SHISA9: variants seen among roughly 807,000 people sequenced by gnomAD.
The protein encoded by SHISA9 is shisa family member 9.
In SHISA9, 13 loss-of-function variants were observed where a neutral mutation model predicts 38.0. The ratio of observed to expected loss-of-function variants is 0.34; its 90% confidence interval spans 0.22 to 0.54. The LOEUF is 0.54. SHISA9 is among the 20% of genes least tolerant of loss of function. SHISA9 has a pLI of 0.91. For missense variants in SHISA9, 538 were observed against 575.8 expected (o/e 0.93, Z 0.67); for synonymous variants, 275 against 242.0 (o/e 1.14, Z -1.27).
intron 2 of SHISA9, among the ~76,000 whole-genome samples, chr16:13,133,203 G>C (rs1025892545): frequency 3.3e-5 from 5 of 152,166 alleles, no homozygotes; most frequent in African/African-American, 1.2e-4. Context: ...TATTTTTCTG[G>C]ATCTTGATTT....
the SHISA9 span, among the ~76,000 whole-genome samples, chr16:13,390,436 G>C: frequency 1.9e-4 from 29 of 152,136 alleles, no homozygotes; most frequent in Non-Finnish European, 3.4e-4. Flanking sequence ...CATCTGGGTG[G>C]CTGGCTGTCT....
At chr16:13,346,293 C>T in the SHISA9 span, among the ~76,000 whole-genome samples, 2 of 152,126 alleles carry the variant, frequency 1.3e-5, no homozygotes, top group Admixed American at 6.6e-5. Context: ...AAGCTTAAAT[C>T]GGCTGCGACG....
chr16:13,093,550 G>C (rs554504604), intron 2 of SHISA9, among the ~76,000 whole-genome samples: 2 of 152,286 alleles, frequency 1.3e-5, no homozygotes, highest in East Asian at 3.9e-4. Context: ...ATGTGCATAT[G>C]AGAGGTGGGG....
intron 2 of SHISA9, among the ~76,000 whole-genome samples, chr16:12,947,145 C>T (rs982939127): frequency 3.3e-5 from 5 of 152,092 alleles, no homozygotes; most frequent in East Asian, 3.9e-4. Flanking sequence ...GGGGAAATGG[C>T]GAGGTTTGGG....
At chr16:13,210,812 C>G (rs1040571215) in intron 3 of SHISA9, among the ~76,000 whole-genome samples, 5 of 152,172 alleles carry the variant, frequency 3.3e-5, no homozygotes, top group African/African-American at 1.2e-4. Flanking sequence ...AATGGCAGAG[C>G]CAAGTCTCAT....
intron 2 of SHISA9, among the ~76,000 whole-genome samples, chr16:13,033,090 T>C (rs1459376624): frequency 3.3e-5 from 5 of 152,202 alleles, no homozygotes; most frequent in Non-Finnish European, 7.3e-5. Context: ...GCTTCAAGTC[T>C]AGTAGAAAAG....
At chr16:13,208,776 C>G in intron 3 of SHISA9, among the ~76,000 whole-genome samples, 1 of 152,172 alleles carries the variant, frequency 6.6e-6, no homozygotes, top group South Asian at 2.1e-4. Context: ...TCTGGTTTCC[C>G]TTGACTGCAG....
At chr16:13,299,703 C>A in the SHISA9 span, among the ~76,000 whole-genome samples, 72,972 of 147,548 alleles carry the variant, frequency 0.49, 18,260 homozygotes, top group Admixed American at 0.58. Context: ...ACAGAGTGAG[C>A]CTCTGTCAAA....
chr16:13,526,000 C>T, the SHISA9 span, among the ~76,000 whole-genome samples: 36 of 152,336 alleles, frequency 2.4e-4, no homozygotes, highest in African/African-American at 8.7e-4. Context: ...TCCTTCTGCT[C>T]TTGAAGCTTG....
chr16:13,358,538 T>C, the SHISA9 span, among the ~76,000 whole-genome samples: 2 of 152,236 alleles, frequency 1.3e-5, no homozygotes, highest in South Asian at 4.1e-4. Context: ...AAGTAGATGC[T>C]AATACAATTC....
At chr16:13,451,661 AAGATCCCCT>A in the SHISA9 span, among the ~76,000 whole-genome samples, 2 of 152,312 alleles carry the variant, frequency 1.3e-5, no homozygotes, top group African/African-American at 4.8e-5. Context: ...ATGGAGGACA[AAGATCCCCT>A]AGTTGGGAAA....
intron 2 of SHISA9, among the ~76,000 whole-genome samples, chr16:12,987,927 G>T (rs2072334326): frequency 6.6e-6 from 1 of 152,170 alleles, no homozygotes; most frequent in African/African-American, 2.4e-5. Context: ...TAGCTAGTAT[G>T]TAAAGAAGCC....
At chr16:13,314,200 T>C in the SHISA9 span, among the ~76,000 whole-genome samples, 8 of 116,580 alleles carry the variant, frequency 6.9e-5, no homozygotes, top group Non-Finnish European at 1.2e-4. Flanking sequence ...TCATTTTTAT[T>C]TCATTTTTTT....
chr16:13,476,233 A>C, the SHISA9 span, among the ~76,000 whole-genome samples: 1 of 152,308 alleles, frequency 6.6e-6, no homozygotes, highest in Admixed American at 6.5e-5. Flanking sequence ...AAAGTATCAA[A>C]GAGCTGAAAC....
intron 4 of SHISA9, among the ~76,000 whole-genome samples, chr16:13,234,772 T>G (rs2051364845): frequency 6.6e-6 from 1 of 151,948 alleles, no homozygotes. Context: ...GGGAGAAGTG[T>G]TTATTTCGGA....
chr16:13,180,273 G>T (rs2050765910), intron 2 of SHISA9, among the ~76,000 whole-genome samples: 1 of 152,226 alleles, frequency 6.6e-6, no homozygotes, highest in Non-Finnish European at 1.5e-5. Flanking sequence ...TTCCTGTTGA[G>T]AGATATTTGC....
At chr16:13,261,549 A>G in the SHISA9 span, among the ~76,000 whole-genome samples, 1 of 152,216 alleles carries the variant, frequency 6.6e-6, no homozygotes, top group South Asian at 2.1e-4. Flanking sequence ...ATGAAACACC[A>G]GAATTTATTC....
intron 1 of SHISA9, among the ~76,000 whole-genome samples, chr16:12,915,910 A>C (rs2071247561): frequency 6.6e-6 from 1 of 152,120 alleles, no homozygotes; most frequent in Non-Finnish European, 1.5e-5. Context: ...AAAGAGAAAA[A>C]ATGCATTGGT....
At chr16:12,970,335 A>G (rs1413915007) in intron 2 of SHISA9, among the ~76,000 whole-genome samples, 3 of 91,424 alleles carry the variant, frequency 3.3e-5, no homozygotes, top group Non-Finnish European at 6.1e-5. Context: ...ACATATATAT[A>G]TATATATACA....
Sources: allele counts gnomAD v4.1 joint callset (sites outside exome capture counted in the v4.1 genomes callset), GRCh38; gene constraint gnomAD v4.1.1; transcripts MANE v1.5; gene names NCBI Gene and HGNC (gene_info 2026-07-23, HGNC 2026-07-21).